OSBPL8: variants seen among roughly 807,000 people sequenced by gnomAD.
OSBPL8 encodes the protein oxysterol-binding protein-related protein 8.
A neutral mutation model predicts 125.5 loss-of-function variants in OSBPL8; 59 were observed. The observed-to-expected ratio is 0.47, with a 90% CI of 0.38 to 0.58. OSBPL8 has a LOEUF of 0.58. Ranked by LOEUF, OSBPL8 falls within the 20% of genes least tolerant of loss-of-function variation. OSBPL8 has a pLI of 0.00. For missense variants in OSBPL8, 758 were observed against 1,047.8 expected (o/e 0.72, Z 3.82); for synonymous variants, 330 against 338.9 (o/e 0.97, Z 0.29).
At chr12:76,374,033 T>C (rs180998122) in intron 17 of OSBPL8, among the ~76,000 whole-genome samples, 180 of 152,234 alleles carry the variant, frequency 1.2e-3, no homozygotes, top group African/African-American at 4.2e-3. Flanking sequence ...TCAAACATTA[T>C]CATCACCATA....
At chr12:76,468,347 A>G (rs1369108561) in intron 2 of OSBPL8, among the ~76,000 whole-genome samples, 1 of 152,162 alleles carries the variant, frequency 6.6e-6, no homozygotes, top group Non-Finnish European at 1.5e-5. Context: ...ATGGTCTCAC[A>G]TCTCCACTTA....
intron 1 of OSBPL8, among the ~76,000 whole-genome samples, chr12:76,539,692 C>T (rs940390828): frequency 1.3e-5 from 2 of 152,202 alleles, no homozygotes; most frequent in East Asian, 1.9e-4. Flanking sequence ...AATAATCTCA[C>T]GATAAAAAGC....
At chr12:76,486,648 T>C (rs952642463) in intron 2 of OSBPL8, among the ~76,000 whole-genome samples, 3 of 152,238 alleles carry the variant, frequency 2.0e-5, no homozygotes, top group Non-Finnish European at 4.4e-5. Context: ...TTAGGTAAGG[T>C]ATACTTTTCC....
chr12:76,482,595 A>G (rs889018600), intron 2 of OSBPL8, among the ~76,000 whole-genome samples: 1 of 151,144 alleles, frequency 6.6e-6, no homozygotes, highest in Admixed American at 6.6e-5. Context: ...CCTGGGCAAC[A>G]AGAGCGAAAC....
intron 3 of OSBPL8, among the ~76,000 whole-genome samples, chr12:76,457,849 A>G (rs2136800898): frequency 6.6e-6 from 1 of 152,332 alleles, no homozygotes; most frequent in African/African-American, 2.4e-5. Flanking sequence ...CTATTTATAA[A>G]GCTCAGCAGT....
chr12:76,507,677 G>T (rs555826087), intron 1 of OSBPL8, among the ~76,000 whole-genome samples: 1 of 151,344 alleles, frequency 6.6e-6, no homozygotes, highest in East Asian at 1.9e-4. Flanking sequence ...AAAAAACTTG[G>T]CTGGGCGTGG....
intron 2 of OSBPL8, among the ~76,000 whole-genome samples, chr12:76,472,997 C>G (rs1876359423): frequency 6.6e-6 from 1 of 152,050 alleles, no homozygotes; most frequent in Non-Finnish European, 1.5e-5. Context: ...CTGACGCTAC[C>G]GCTAGACCAT....
chr12:76,427,065 T>C (rs2136541296), intron 4 of OSBPL8, among the ~76,000 whole-genome samples: 1 of 152,248 alleles, frequency 6.6e-6, no homozygotes, highest in South Asian at 2.1e-4. Context: ...GGTGGTAAAA[T>C]AAATGTGGTT....
chr12:76,358,905 T>A (rs1952093724), intron 21 of OSBPL8, 94 bp from the exon 22 acceptor site: 2 of 869,020 alleles, frequency 2.3e-6, no homozygotes, highest in Admixed American at 2.2e-5. Context: ...CACATAGGCA[T>A]GATATTCAGA....
intron 2 of OSBPL8, among the ~76,000 whole-genome samples, chr12:76,474,991 T>C (rs1876625784): frequency 2.0e-5 from 3 of 152,188 alleles, no homozygotes; most frequent in Admixed American, 2.0e-4. Flanking sequence ...AATCTCTTTA[T>C]TGTTCTACTG....
chr12:76,440,221 C>G (rs2136652913), intron 4 of OSBPL8, among the ~76,000 whole-genome samples: 1 of 152,232 alleles, frequency 6.6e-6, no homozygotes, highest in South Asian at 2.1e-4. Flanking sequence ...ATAGTTCCAA[C>G]TGATGCAGAC....
At chr12:76,553,450 G>C (rs2137521871) in intron 1 of OSBPL8, among the ~76,000 whole-genome samples, 1 of 151,600 alleles carries the variant, frequency 6.6e-6, no homozygotes, top group South Asian at 2.1e-4. Flanking sequence ...AATCATTTGA[G>C]GCTAGGGGTT....
At chr12:76,394,612 A>G (rs1305523416) in intron 9 of OSBPL8, 33 bp downstream of exon 9, 5 of 1,535,732 alleles carry the variant, frequency 3.3e-6, no homozygotes, top group Admixed American at 1.8e-5. Context: ...AAAAATGAAG[A>G]CCAAAATCCA....
At chr12:76,532,797 C>T (rs938506343) in intron 1 of OSBPL8, among the ~76,000 whole-genome samples, 1 of 151,898 alleles carries the variant, frequency 6.6e-6, no homozygotes, top group Non-Finnish European at 1.5e-5. Context: ...AGAGTGATCA[C>T]GTGAATGAAA....
chr12:76,410,912 T>C (rs1954487919), intron 4 of OSBPL8, among the ~76,000 whole-genome samples: 1 of 152,220 alleles, frequency 6.6e-6, no homozygotes, highest in Non-Finnish European at 1.5e-5. Context: ...ATAGAGCTTT[T>C]ATTCTAGTGA....
chr12:76,418,629 G>C (rs146926711), intron 4 of OSBPL8, among the ~76,000 whole-genome samples: 1 of 151,988 alleles, frequency 6.6e-6, no homozygotes, highest in Non-Finnish European at 1.5e-5. Context: ...TCAGGAGTTC[G>C]AGACCAGCCT....
intron 14 of OSBPL8, among the ~76,000 whole-genome samples, 171 bp from the exon 15 acceptor site, chr12:76,384,521 G>A (rs942603364): frequency 7.9e-5 from 12 of 152,254 alleles, no homozygotes; most frequent in Admixed American, 7.8e-4. Flanking sequence ...ATAGTAACCA[G>A]CCTCCTGTCT....
At chr12:76,384,834 C>T (rs940736756) in intron 14 of OSBPL8, among the ~76,000 whole-genome samples, 1 of 152,176 alleles carries the variant, frequency 6.6e-6, no homozygotes, top group African/African-American at 2.4e-5. Context: ...GCAAAGCTGG[C>T]TGACAGTTTG....
chr12:76,385,514 G>A (rs74103415), intron 14 of OSBPL8, among the ~76,000 whole-genome samples: 2,044 of 152,132 alleles, frequency 0.013, 35 homozygotes, highest in African/African-American at 0.042. Context: ...CTGTAAAAAG[G>A]TAAACGATAC....
Sources: gnomAD v4.1 joint callset for allele counts (sites outside exome capture counted in the v4.1 genomes callset) on GRCh38, gnomAD v4.1.1 for gene constraint, MANE v1.5 for transcripts, NCBI Gene and HGNC (gene_info 2026-07-23, HGNC 2026-07-21) for gene names.